The following CFAP299 variants were observed in gnomAD, a reference collection of about 807,000 sequenced individuals.
CFAP299 encodes the protein cilia and flagella associated protein 299, also known as cilia- and flagella-associated protein 299.
CFAP299 carries 21 observed loss-of-function variants against 27.0 expected under a neutral mutation model. That is an observed-to-expected ratio of 0.78 (90% CI 0.55 to 1.12). The LOEUF is 1.12. Among genes scored for constraint, CFAP299 ranks in the 50% most tolerant of loss-of-function variants. CFAP299 has a pLI of 0.00. For missense variants in CFAP299, 310 were observed against 276.6 expected (o/e 1.12, Z -0.86); for synonymous variants, 104 against 98.1 (o/e 1.06, Z -0.36).
intron 3 of CFAP299, among the ~76,000 whole-genome samples, chr4:80,694,626 A>C (rs1720974020): frequency 6.6e-6 from 1 of 152,214 alleles, no homozygotes; most frequent in African/African-American, 2.4e-5. Flanking sequence ...TTTAATTGAT[A>C]TCTTGAATTC....
At chr4:80,677,853 T>C (rs1719570525) in intron 3 of CFAP299, among the ~76,000 whole-genome samples, 2 of 152,182 alleles carry the variant, frequency 1.3e-5, no homozygotes, top group South Asian at 2.1e-4. Context: ...TAGTCCAAAG[T>C]CTACATTTAA....
intron 3 of CFAP299, among the ~76,000 whole-genome samples, chr4:80,630,990 A>G (rs1460234281): frequency 6.6e-6 from 1 of 152,066 alleles, no homozygotes; most frequent in African/African-American, 2.4e-5. Context: ...TTAAAATTAG[A>G]AAGCATAAAA....
intron 3 of CFAP299, among the ~76,000 whole-genome samples, chr4:80,704,298 A>T (rs941993412): frequency 2.6e-5 from 4 of 151,758 alleles, no homozygotes; most frequent in Non-Finnish European, 5.9e-5. Context: ...GAGCAAACTC[A>T]TGTATGATGG....
chr4:80,472,458 G>A (rs1730051892), intron 2 of CFAP299, among the ~76,000 whole-genome samples: 1 of 152,210 alleles, frequency 6.6e-6, no homozygotes, highest in African/African-American at 2.4e-5. Context: ...ACGGATGAAA[G>A]AGGGGAATGC....
chr4:80,804,499 C>T (rs1214079551), intron 3 of CFAP299, among the ~76,000 whole-genome samples: 2 of 152,082 alleles, frequency 1.3e-5, no homozygotes, highest in African/African-American at 4.8e-5. Flanking sequence ...CATGTTTATA[C>T]CACATTTTGC....
chr4:80,596,995 A>G (rs924876686), intron 3 of CFAP299, among the ~76,000 whole-genome samples: 1 of 152,192 alleles, frequency 6.6e-6, no homozygotes, highest in Non-Finnish European at 1.5e-5. Flanking sequence ...TGGATTGTCT[A>G]CAATTTTTGA....
chr4:80,340,721 C>G (rs547029729), intron 1 of CFAP299, among the ~76,000 whole-genome samples: 1 of 152,186 alleles, frequency 6.6e-6, no homozygotes, highest in East Asian at 1.9e-4. Context: ...GTCCCTCACC[C>G]CTCACAATGC....
At chr4:80,729,138 C>T (rs368319362) in intron 3 of CFAP299, among the ~76,000 whole-genome samples, 5 of 152,210 alleles carry the variant, frequency 3.3e-5, no homozygotes, top group African/African-American at 1.2e-4. Flanking sequence ...TAGTCATCCA[C>T]GCAATTGAGG....
At chr4:80,754,059 C>T (rs1725089974) in intron 3 of CFAP299, among the ~76,000 whole-genome samples, 1 of 152,018 alleles carries the variant, frequency 6.6e-6, no homozygotes, top group Non-Finnish European at 1.5e-5. Context: ...TTGTATGCCT[C>T]GCAATCTTGT....
intron 3 of CFAP299, among the ~76,000 whole-genome samples, chr4:80,722,248 T>A (rs968422960): frequency 3.3e-5 from 5 of 151,790 alleles, no homozygotes; most frequent in African/African-American, 4.8e-5. Flanking sequence ...TGAAACCCTG[T>A]CTCTACTAAA....
intron 3 of CFAP299, among the ~76,000 whole-genome samples, chr4:80,640,042 T>C (rs575228196): frequency 4.6e-4 from 70 of 152,290 alleles, no homozygotes; most frequent in African/African-American, 1.7e-3. Context: ...ATGGGTGGTG[T>C]TGATAGTTGC....
At chr4:80,804,953 G>T (rs1728790496) in intron 3 of CFAP299, among the ~76,000 whole-genome samples, 1 of 151,790 alleles carries the variant, frequency 6.6e-6, no homozygotes, top group South Asian at 2.1e-4. Flanking sequence ...CTCATTTTTT[G>T]CATTACTGTC....
chr4:80,940,516 G>A (rs1314047904), intron 4 of CFAP299, among the ~76,000 whole-genome samples: 4 of 152,082 alleles, frequency 2.6e-5, no homozygotes, highest in South Asian at 4.1e-4. Context: ...TTCCACGAAC[G>A]GGGTTCTAGA....
At chr4:80,785,446 C>T (rs185868698) in intron 3 of CFAP299, among the ~76,000 whole-genome samples, 29 of 152,192 alleles carry the variant, frequency 1.9e-4, no homozygotes, top group Admixed American at 4.6e-4. Flanking sequence ...TTTACCATTT[C>T]CTTTCTATTT....
At chr4:80,757,999 G>C (rs879553655) in intron 3 of CFAP299, among the ~76,000 whole-genome samples, 8 of 152,294 alleles carry the variant, frequency 5.3e-5, no homozygotes, top group Middle Eastern at 3.4e-3. Context: ...AGGCCCTGTG[G>C]CAGTGACTGG....
At chr4:80,400,231 C>T (rs1726072837) in intron 2 of CFAP299, among the ~76,000 whole-genome samples, 1 of 152,022 alleles carries the variant, frequency 6.6e-6, no homozygotes, top group African/African-American at 2.4e-5. Context: ...TTTTAACTAT[C>T]CTTTGCTGAT....
intron 2 of CFAP299, chr4:80,386,689 G>T (rs1332082362): frequency 2.5e-6 from 4 of 1,577,536 alleles, no homozygotes; most frequent in Admixed American, 3.4e-5. Flanking sequence ...GGCGGCTGAA[G>T]GACCTGCTGC....
intron 3 of CFAP299, among the ~76,000 whole-genome samples, chr4:80,787,581 G>A (rs1326459688): frequency 6.6e-6 from 1 of 151,772 alleles, no homozygotes; most frequent in Non-Finnish European, 1.5e-5. Flanking sequence ...AGGTAACCAC[G>A]GTTAGTAACA....
chr4:80,962,142 T>A (rs1189987248), intron 5 of CFAP299, among the ~76,000 whole-genome samples: 1 of 151,980 alleles, frequency 6.6e-6, no homozygotes. Context: ...ATAAGAGGAA[T>A]CCACTGACTA....
Sources: allele counts gnomAD v4.1 joint callset (sites outside exome capture counted in the v4.1 genomes callset), GRCh38; gene constraint gnomAD v4.1.1; transcripts MANE v1.5; gene names NCBI Gene and HGNC (gene_info 2026-07-23, HGNC 2026-07-21).